The following PDCD6IP variants were observed in gnomAD, a reference collection of about 807,000 sequenced individuals.
The protein encoded by PDCD6IP is programmed cell death 6 interacting protein, also known as programmed cell death 6-interacting protein.
A neutral mutation model predicts 103.7 loss-of-function variants in PDCD6IP; 43 were observed. The observed-to-expected ratio is 0.41, with a 90% confidence interval of 0.32 to 0.53. PDCD6IP has a LOEUF of 0.53. Ranked by LOEUF, PDCD6IP falls within the 20% of genes least tolerant of loss-of-function variation. The pLI is 0.16. For missense variants in PDCD6IP, 871 were observed against 1,036.7 expected (o/e 0.84, Z 2.20); for synonymous variants, 354 against 378.7 (o/e 0.93, Z 0.76).
At chr3:33,815,323 A>T (rs1451000515) in intron 3 of PDCD6IP, among the ~76,000 whole-genome samples, 2 of 152,136 alleles carry the variant, frequency 1.3e-5, no homozygotes, top group Non-Finnish European at 2.9e-5. Context: ...TCCCTCTTAT[A>T]TAATAATAGT....
intron 1 of PDCD6IP, among the ~76,000 whole-genome samples, chr3:33,808,942 TC>T (rs994732210): frequency 3.3e-5 from 5 of 152,210 alleles, no homozygotes; most frequent in African/African-American, 1.2e-4. Flanking sequence ...TACCCTCTTG[TC>T]CCAGGGTATT....
intron 4 of PDCD6IP, among the ~76,000 whole-genome samples, chr3:33,824,403 G>A (rs1018660835): frequency 1.3e-5 from 2 of 152,002 alleles, no homozygotes; most frequent in Non-Finnish European, 2.9e-5. Context: ...GATTACAAGT[G>A]TGTGCCATCA....
chr3:33,804,772 T>G (rs1336405616), intron 1 of PDCD6IP, among the ~76,000 whole-genome samples: 1 of 152,170 alleles, frequency 6.6e-6, no homozygotes, highest in African/African-American at 2.4e-5. Flanking sequence ...GCTAGTTACT[T>G]TTTGCCATAC....
rs1208818234 is a variant in PDCD6IP, at chr3:33,867,134, T to TTG, written c.*609_*610insTG. ...TAAGTGCATGAATAGTACAAGTTAT[T>TTG]ATCAAGGATGTTTTACAGGGAAATC... On this transcript the variant is annotated 3_prime_UTR_variant, in exon 18 of 18. Coordinates refer to ENST00000307296, the MANE Select transcript of PDCD6IP (RefSeq NM_013374.6). 1 of 152,214 alleles carries TTG rather than the reference T, an allele frequency of 6.6e-6. No individual in the cohort carries two copies. Among genetic ancestry groups the TTG allele is most frequent in the African/African-American group, 2.4e-5 (1 of 41,464 alleles). The allele number at this position is 152,214 out of a possible 1,614,324, so 9.4% of individuals were successfully genotyped here. A position where few individuals can be genotyped will look rare whatever the true frequency, so the allele number is the denominator to read the frequency against.
chr3:33,840,531 G>T (rs536411754), intron 9 of PDCD6IP, among the ~76,000 whole-genome samples: 10 of 152,186 alleles, frequency 6.6e-5, no homozygotes, highest in African/African-American at 2.4e-4. Flanking sequence ...TCTCTAACAA[G>T]AAAGGAATGT....
chr3:33,863,787 T>C (rs1375477008), intron 15 of PDCD6IP: 19 of 519,048 alleles, frequency 3.7e-5, no homozygotes, highest in African/African-American at 2.7e-4. Flanking sequence ...GCAGTGGGAT[T>C]GTTGGATCAT....
chr3:33,825,257 A>G lies in PDCD6IP; in HGVS notation c.533A>G (p.Asp178Gly). 1 of 1,613,744 alleles carries G rather than the reference A, an allele frequency of 6.2e-7. No individual in the cohort carries two copies. The highest frequency in any genetic ancestry group is 1.1e-5 in the South Asian group (1 of 91,014). ...GCCTTAAGTCGAGAGCCGACCGTGG[A>G]CATATCTCCAGATACTGTTGGGACC... Reference protein sequence around the residue: ...LSALSREPTVDISPDTVGTLS... With the variant: ...LSALSREPTVGISPDTVGTLS... The change falls in exon 5 of 18, where the codon GAC (aspartate) becomes GGC (glycine). Residue 178 changes from aspartate (D) to glycine (G), a missense_variant. By Grantham distance (94) the Asp-to-Gly change is moderately conservative. This residue lies in a region of PDCD6IP where 242 missense variants were observed against 250.7 expected (regional missense o/e 0.97). Coordinates refer to ENST00000307296, the MANE Select transcript of PDCD6IP (RefSeq NM_013374.6).
chr3:33,814,942 A>G (rs961599750), intron 3 of PDCD6IP, among the ~76,000 whole-genome samples: 1 of 146,664 alleles, frequency 6.8e-6, no homozygotes, highest in Non-Finnish European at 1.5e-5. Context: ...ATGTATATAT[A>G]CACATGCATT....
At position 33,830,771 on chromosome 3, in the gene PDCD6IP, C is replaced by T. The variant is rs149166684; in HGVS notation, c.834+1802C>T. Among the ~76,000 whole-genome samples the T allele has an allele frequency of 6.1e-4, 93 of 152,164 alleles. 1 individual carries two copies. The highest frequency in any genetic ancestry group is 3.9e-3 in the South Asian group (19 of 4,828). ...TATTTCAGAGGACAGTTATTCTTTC[C>T]GGTAGGCATGAAATATTTTTTAATT... On this transcript the variant is annotated intron_variant, in intron 7 of 17. Transcript: ENST00000307296.
At chr3:33,849,728 C>T (rs568983256) in intron 12 of PDCD6IP, among the ~76,000 whole-genome samples, 1 of 152,300 alleles carries the variant, frequency 6.6e-6, no homozygotes, top group South Asian at 2.1e-4. Context: ...TTATCTTGGT[C>T]ATTCATTTGT....
At chr3:33,862,088 C>G (rs992972539) in intron 15 of PDCD6IP, among the ~76,000 whole-genome samples, 1 of 152,014 alleles carries the variant, frequency 6.6e-6, no homozygotes, top group African/African-American at 2.4e-5. Flanking sequence ...GCAACCATCC[C>G]TAGAGTTTAT....
chr3:33,835,648 G>T (rs1423852555), intron 7 of PDCD6IP, among the ~76,000 whole-genome samples: 8 of 152,086 alleles, frequency 5.3e-5, no homozygotes, highest in African/African-American at 1.9e-4. Context: ...AACCTGGGAG[G>T]TGGAGGTCAC....
chr3:33,850,473 G>C (rs904214693), intron 12 of PDCD6IP, among the ~76,000 whole-genome samples: 3 of 151,644 alleles, frequency 2.0e-5, no homozygotes, highest in African/African-American at 7.3e-5. Flanking sequence ...AACCATATTC[G>C]TTAGTTTCTG....
rs539598136 is a variant in PDCD6IP, at chr3:33,852,328, A to G, written c.1642-160A>G. Among the ~76,000 whole-genome samples the G allele has an allele frequency of 1.6e-4, 25 of 152,016 alleles. No individual in the cohort carries two copies. In the South Asian group the frequency reaches 1.7e-3, roughly 10 times the overall value. On this transcript the variant is annotated intron_variant, in intron 12 of 17. Transcript: ENST00000307296. The stretch of plus-strand genomic sequence containing the variant: ...TTTAATATGAGTCAACTGAAGGTAC[A>G]GTGTCTATCTATATAAACCTGACGT...
At chr3:33,805,462 A>T (rs973747475) in intron 1 of PDCD6IP, among the ~76,000 whole-genome samples, 1 of 151,936 alleles carries the variant, frequency 6.6e-6, no homozygotes, top group African/African-American at 2.4e-5. Context: ...GCCTTGGCTC[A>T]GTTGCTCAGC....
Position 33,822,039 on chromosome 3 carries a change from T to G in PDCD6IP, c.419T>G (p.Leu140Arg), listed in dbSNP as rs1170315876. 1 of 1,614,142 alleles carries G rather than the reference T, an allele frequency of 6.2e-7. No homozygotes were observed. Among genetic ancestry groups the G allele is most frequent in the East Asian group, 2.2e-5 (1 of 44,872 alleles). ...LASQIAAEQN[L>R]DNDEGLKIAA... ...AGCCAAATTGCAGCAGAACAGAACC[T>G]GGATAATGATGAAGGATTGAAAATC... The change falls in exon 4 of 18, where the codon CTG becomes CGG. Residue 140 changes from leucine to arginine, a missense_variant. Physicochemically the swap from Leu to Arg is moderately radical, Grantham distance 102. Transcript: ENST00000307296.
At chr3:33,835,859 T>C (rs1386735404) in intron 7 of PDCD6IP, among the ~76,000 whole-genome samples, 185 bp from the exon 8 acceptor site, 5 of 152,224 alleles carry the variant, frequency 3.3e-5, no homozygotes, top group Non-Finnish European at 4.4e-5. Context: ...TGTATTATCC[T>C]TCAGTTTTCG....
Position 33,866,436 on chromosome 3 carries a change from A to G in PDCD6IP, c.2518A>G (p.Ser840Gly). Residue 840 changes from serine to glycine, a missense_variant, in exon 18 of 18, where the codon AGT becomes GGT. This residue lies in a region of PDCD6IP where 202 missense variants were observed against 205.2 expected (regional missense o/e 0.98). Coordinates refer to ENST00000307296, the MANE Select transcript of PDCD6IP (RefSeq NM_013374.6). Reference sequence around the variant, plus strand: ...GCCATATCCACCAGTGTATCACCAGAGTCCTGGACAGGCTCCATACCCGGG... The same window carrying G: ...GCCATATCCACCAGTGTATCACCAGGGTCCTGGACAGGCTCCATACCCGGG... ...NMPYPPVYHQ[S>G]PGQAPYPGPQ... The G allele has an allele frequency of 1.2e-6, 2 of 1,611,640 alleles. No individual in the cohort carries two copies. Among genetic ancestry groups the G allele is most frequent in the Admixed American group, 1.7e-5 (1 of 59,502 alleles).
chr3:33,836,539 T>C (rs373852248), intron 8 of PDCD6IP, among the ~76,000 whole-genome samples: 2 of 152,124 alleles, frequency 1.3e-5, no homozygotes, highest in African/African-American at 2.4e-5. Context: ...TAACTTTTGT[T>C]ATTTAAGATG....
Sources: gnomAD v4.1 joint callset for allele counts (sites outside exome capture counted in the v4.1 genomes callset) on GRCh38, gnomAD v4.1.1 for gene constraint, gnomAD v4.1.1 regional missense constraint, MANE v1.5 for transcripts, NCBI Gene and HGNC (gene_info 2026-07-23, HGNC 2026-07-21) for gene names.